The following RNF8 variants were observed in gnomAD, a reference collection of about 807,000 sequenced individuals.
RNF8 encodes E3 ubiquitin-protein ligase RNF8.
A neutral mutation model predicts 59.3 loss-of-function variants in RNF8; 8 were observed. That is an observed-to-expected ratio of 0.13 (90% CI 0.08 to 0.24). RNF8 has a LOEUF of 0.24. RNF8 is among the 10% of genes least tolerant of loss of function. The pLI, the probability that RNF8 is intolerant of heterozygous loss-of-function variation, is 1.00. For synonymous variants in RNF8, 162 were observed against 200.0 expected (o/e 0.81, Z 1.60); for missense variants, 406 against 572.6 (o/e 0.71, Z 2.97).
intron 6 of RNF8, among the ~76,000 whole-genome samples, chr6:37,380,724 C>G (rs1230638873): frequency 6.6e-6 from 1 of 151,770 alleles, no homozygotes; most frequent in Non-Finnish European, 1.5e-5. Context: ...CCTCTGTCAC[C>G]CTGGCCGGAG....
chr6:37,364,416 A>T (rs1769463760), intron 2 of RNF8, among the ~76,000 whole-genome samples: 1 of 152,094 alleles, frequency 6.6e-6, no homozygotes, highest in Non-Finnish European at 1.5e-5. Flanking sequence ...TTACACTAAG[A>T]TGTTCATTTT....
In RNF8 at chr6:37,381,217, T is replaced by C. The variant is rs1770246986; in HGVS notation, c.1304T>C (p.Ile435Thr). ...YCINEWMKRK[I>T]ECPICRKDIK... Reference sequence around the variant, plus strand: ...ATCAATGAATGGATGAAGCGGAAGATAGAATGCCCCATTTGTCGGAAGGAC... The same window carrying C: ...ATCAATGAATGGATGAAGCGGAAGACAGAATGCCCCATTTGTCGGAAGGAC... The change falls in exon 7 of 8, where the codon ATA becomes ACA. Residue 435 changes from isoleucine to threonine, a missense_variant. Coordinates refer to ENST00000373479, the MANE Select transcript of RNF8 (RefSeq NM_003958.4). 1.9e-6 allele frequency: 3 copies of C among 1,614,044 alleles called. No individual in the cohort carries two copies. The highest frequency in any genetic ancestry group is 1.1e-5 in the South Asian group (1 of 91,088).
In RNF8 at chr6:37,390,800, C is replaced by G. The variant is rs138340769; in HGVS notation, c.*42C>G. On this transcript the variant is annotated 3_prime_UTR_variant, in exon 8 of 8. Coordinates refer to ENST00000373479, the MANE Select transcript of RNF8 (RefSeq NM_003958.4). ...GCATTTGAAAGACTGCCAGGTAGTG[C>G]GAGCCTGAGATGGTCTGGAGGATTC... 7.4e-6 allele frequency: 12 copies of G among 1,613,960 alleles called. No homozygotes were observed. Among genetic ancestry groups the G allele is most frequent in the African/African-American group, 6.7e-5 (5 of 74,916 alleles).
At chr6:37,385,890 A>G (rs1770474891) in intron 7 of RNF8, among the ~76,000 whole-genome samples, 1 of 142,124 alleles carries the variant, frequency 7.0e-6, no homozygotes, top group Non-Finnish European at 1.5e-5. Flanking sequence ...GCTGGTGTGC[A>G]GTGGCATGAT....
rs35985063 is a variant in RNF8 at position 37,377,061 on chromosome 6, CTTTTTTTT to C, written c.1236+49_1236+56del. The C allele has an allele frequency of 6.6e-3, 1,711 of 257,764 alleles. 16 individuals carry two copies. Among genetic ancestry groups the C allele is most frequent in the African/African-American group, 0.053 (1,480 of 28,152 alleles). 16.0% of individuals were successfully genotyped at this position (257,764 alleles called of 1,614,324 possible). A position where few individuals can be genotyped will look rare whatever the true frequency, so the allele number is the denominator to read the frequency against. On this transcript the variant is annotated intron_variant, in intron 6 of 7. Transcript: ENST00000373479. ...AATTATGAACAGTTGCTCACCCCTT[CTTTTTTTT>C]TTTTTTTTTTTTTTTTTTTTGAGAC... is the stretch of plus-strand genomic sequence containing the variant.
At chr6:37,377,116 A>G in intron 6 of RNF8, 83 bp downstream of exon 6, 2 of 707,590 alleles carry the variant, frequency 2.8e-6, no homozygotes, top group Admixed American at 3.4e-5. Context: ...CTGTCAACCC[A>G]GGCTAGAGTG....
chr6:37,389,962 A>G (rs1490855797), intron 7 of RNF8, among the ~76,000 whole-genome samples: 1 of 152,242 alleles, frequency 6.6e-6, no homozygotes, highest in African/African-American at 2.4e-5. Flanking sequence ...TCTCAGAGAA[A>G]GGGGACAATT....
chr6:37,377,067 T>TC, intron 6 of RNF8, 34 bp downstream of exon 6: 1 of 1,004,932 alleles, frequency 1.0e-6, no homozygotes. Context: ...CCTTCTTTTT[T>TC]TTTTTTTTTT....
At chr6:37,381,470 G>T in intron 7 of RNF8, 116 bp downstream of exon 7, 1 of 886,180 alleles carries the variant, frequency 1.1e-6, no homozygotes, top group South Asian at 1.7e-5. Flanking sequence ...CTAGGGAAGA[G>T]ATGGAATAAA....
intron 3 of RNF8, among the ~76,000 whole-genome samples, chr6:37,371,132 A>G (rs1032733448): frequency 6.6e-6 from 1 of 152,138 alleles, no homozygotes; most frequent in Non-Finnish European, 1.5e-5. Context: ...GAAGCATGCT[A>G]GATGTTGTGA....
rs34628683 is a variant in RNF8 at position 37,388,773 on chromosome 6, CA to C, written c.1442-1955del. ...GGGCAACATAGTGAGACCCCCATCT[CA>C]AAAAAAAAAAAAATTAGGCATGATG... On this transcript the variant is annotated intron_variant, in intron 7 of 7. Transcript: ENST00000373479. Among the ~76,000 whole-genome samples, 391 of 135,362 alleles carry C rather than the reference CA, an allele frequency of 2.9e-3. 1 individual carries two copies. The highest frequency in any genetic ancestry group is 3.8e-3 in the Middle Eastern group (1 of 264). 88.8% of individuals were successfully genotyped at this position (135,362 alleles called of 152,430 possible). A position where few individuals can be genotyped will look rare whatever the true frequency, so the allele number is the denominator to read the frequency against.
chr6:37,390,934 C>A lies in RNF8; in HGVS notation c.*176C>A. On this transcript the variant is annotated 3_prime_UTR_variant, in exon 8 of 8. Transcript: ENST00000373479. ...TTGCCTTCCACGGTGGCCAGCCCTG[C>A]TGCCATCATTGGCTGAAGCACCACC... 1 of 1,017,676 alleles carries A rather than the reference C, an allele frequency of 9.8e-7. No homozygotes were observed. Among genetic ancestry groups the A allele is most frequent in the Non-Finnish European group, 1.5e-6 (1 of 651,932 alleles). The allele number at this position is 1,017,676 out of a possible 1,614,324, so 63.0% of individuals were successfully genotyped here. A position where few individuals can be genotyped will look rare whatever the true frequency, so the allele number is the denominator to read the frequency against.
intron 7 of RNF8, among the ~76,000 whole-genome samples, chr6:37,382,159 C>G (rs960603225): frequency 3.9e-5 from 6 of 152,132 alleles, no homozygotes; most frequent in African/African-American, 7.2e-5. Flanking sequence ...TCAGCCCTTA[C>G]GGCACAAACA....
intron 5 of RNF8, 151 bp from the exon 6 acceptor site, chr6:37,376,775 T>G (rs562057358): frequency 8.2e-6 from 5 of 609,112 alleles, no homozygotes; most frequent in South Asian, 2.0e-5. Context: ...ACAATAAGCC[T>G]TAGGGAAAGT....
At position 37,374,648 on chromosome 6, in the gene RNF8, G is replaced by A. The variant is rs149090634; in HGVS notation, c.1067G>A (p.Arg356His). The change falls in exon 5 of 8, where the codon CGC (arginine) becomes CAC (histidine). Residue 356 changes from arginine (R) to histidine (H), a missense_variant. Physicochemically the swap from Arg to His is conservative, Grantham distance 29 (BLOSUM62 0). Coordinates refer to ENST00000373479, the MANE Select transcript of RNF8 (RefSeq NM_003958.4). The part of the protein sequence containing the change: ...EHWALMEELN[R>H]SKKDFEAIIQ... ...TGGGCTCTAATGGAAGAGCTAAATCGCAGCAAGAAGGACTTTGAAGCAATC... is the reference window on the plus strand; with the variant it reads ...TGGGCTCTAATGGAAGAGCTAAATCACAGCAAGAAGGACTTTGAAGCAATC... 19 of 1,613,900 alleles carry A rather than the reference G, an allele frequency of 1.2e-5. No homozygotes were observed. The South Asian group carries it at 1.2e-4, about 10-fold the overall frequency.
chr6:37,365,401 G>A (rs1160316400), intron 2 of RNF8, among the ~76,000 whole-genome samples: 2 of 152,170 alleles, frequency 1.3e-5, no homozygotes, highest in Non-Finnish European at 2.9e-5. Flanking sequence ...ATAGATAAAT[G>A]TAACTTTTAA....
chr6:37,363,093 T>C (rs942853051), intron 2 of RNF8, among the ~76,000 whole-genome samples: 3 of 152,178 alleles, frequency 2.0e-5, no homozygotes, highest in Admixed American at 2.0e-4. Flanking sequence ...TACCCTCCTC[T>C]CCTGTTGCTT....
At chr6:37,375,208 G>A (rs1769962629) in intron 5 of RNF8, among the ~76,000 whole-genome samples, 1 of 152,160 alleles carries the variant, frequency 6.6e-6, no homozygotes. Flanking sequence ...AGGGAGCTGT[G>A]CGGGCTATGG....
At chr6:37,385,194 G>A (rs879595327) in intron 7 of RNF8, among the ~76,000 whole-genome samples, 1 of 151,598 alleles carries the variant, frequency 6.6e-6, no homozygotes, top group Non-Finnish European at 1.5e-5. Context: ...TGTATTTTTA[G>A]TAGAGATGGG....
Sources: allele counts gnomAD v4.1 joint callset (sites outside exome capture counted in the v4.1 genomes callset), GRCh38; gene constraint gnomAD v4.1.1; transcripts MANE v1.5; gene names NCBI Gene and HGNC (gene_info 2026-07-23, HGNC 2026-07-21).